AGTPBP1: variants seen among roughly 807,000 people sequenced by gnomAD.
The protein encoded by AGTPBP1 is cytosolic carboxypeptidase 1.
A neutral mutation model predicts 143.9 loss-of-function variants in AGTPBP1; 70 were observed. The ratio of observed to expected loss-of-function variants is 0.49; its 90% CI spans 0.40 to 0.59. AGTPBP1 has a LOEUF of 0.59. Ranked by LOEUF, AGTPBP1 falls within the 20% of genes least tolerant of loss-of-function variation. AGTPBP1 has a pLI of 0.00. For missense variants in AGTPBP1, 1,229 were observed against 1,464.5 expected (o/e 0.84, Z 2.62); for synonymous variants, 463 against 500.2 (o/e 0.93, Z 0.99).
chr9:85,607,823 A>G (rs139738433), intron 17 of AGTPBP1, among the ~76,000 whole-genome samples: 39 of 152,232 alleles, frequency 2.6e-4, no homozygotes, highest in African/African-American at 9.4e-4. Flanking sequence ...GGAGAACAAG[A>G]AAAGTTTAAA....
intron 12 of AGTPBP1, among the ~76,000 whole-genome samples, chr9:85,643,982 A>G (rs1832654548): frequency 6.6e-6 from 1 of 152,114 alleles, no homozygotes; most frequent in South Asian, 2.1e-4. Flanking sequence ...CCTAATTTAC[A>G]AGTATATTTT....
In AGTPBP1 at chr9:85,720,166, C is replaced by G. The variant is rs532074185; in HGVS notation, c.-33-7600G>C. Among the ~76,000 whole-genome samples, 214 of 152,316 alleles carry G rather than the reference C, an allele frequency of 1.4e-3. 1 individual carries two copies. The highest frequency in any genetic ancestry group is 4.8e-3 in the African/African-American group (199 of 41,570). On this transcript the variant is annotated intron_variant, in intron 1 of 25. Transcript: ENST00000357081. ...GCCAGCCTTTAGTATCAGGATGACG[C>G]TGGCCTCATAAAATGAGTTAGGGAG...
the AGTPBP1 span, among the ~76,000 whole-genome samples, chr9:85,763,199 C>A: frequency 6.6e-6 from 1 of 151,950 alleles, no homozygotes; most frequent in Admixed American, 6.6e-5. Context: ...AAAAAACCCT[C>A]ACATCAAGCC....
At chr9:85,694,190 T>C (rs1011819901) in intron 2 of AGTPBP1, among the ~76,000 whole-genome samples, 1 of 152,202 alleles carries the variant, frequency 6.6e-6, no homozygotes, top group African/African-American at 2.4e-5. Context: ...ACGGGCTCTA[T>C]TTGGCTGGTA....
In AGTPBP1 at chr9:85,572,004, G is replaced by GTTTTTTT. The variant is rs55882437; in HGVS notation, c.3503+3304_3503+3310dup. 2.9e-3 allele frequency among the ~76,000 whole-genome samples: 127 copies of GTTTTTTT among 43,450 alleles called. 15 individuals are homozygous for GTTTTTTT. The highest frequency in any genetic ancestry group is 4.5e-3 in the East Asian group (4 of 888). 28.5% of individuals were successfully genotyped at this position (43,450 alleles called of 152,430 possible). ...TGGCCATTATTAGTTGTTTGTGTGT[G>GTTTTTTT]TTTTTTTTTTTTTTTTTTTTTTTTT... On this transcript the variant is annotated intron_variant, in intron 25 of 25. Transcript: ENST00000357081.
At chr9:85,654,564 C>T (rs1005350799) in intron 11 of AGTPBP1, among the ~76,000 whole-genome samples, 48 of 152,070 alleles carry the variant, frequency 3.2e-4, no homozygotes, top group African/African-American at 8.2e-4. Context: ...TAAGTTGGGC[C>T]GGGTGTGGTG....
At chr9:85,571,165 G>T (rs1757200374) in intron 25 of AGTPBP1, among the ~76,000 whole-genome samples, 1 of 152,096 alleles carries the variant, frequency 6.6e-6, no homozygotes, top group South Asian at 2.1e-4. Flanking sequence ...TCTACCAAGA[G>T]AACTTGGGAG....
intron 23 of AGTPBP1, among the ~76,000 whole-genome samples, chr9:85,579,716 TAGAA>T (rs1419574016): frequency 6.6e-6 from 1 of 150,988 alleles, no homozygotes; most frequent in East Asian, 1.9e-4. Context: ...GATGCATCTC[TAGAA>T]AGAAAGAGTT....
At chr9:85,773,003 C>T in the AGTPBP1 span, among the ~76,000 whole-genome samples, 10 of 152,024 alleles carry the variant, frequency 6.6e-5, no homozygotes, top group African/African-American at 1.4e-4. Context: ...CAGTGGCTCA[C>T]GCCTGTAATC....
At chr9:85,741,155 T>C in intron 1 of AGTPBP1, 2 of 925,372 alleles carry the variant, frequency 2.2e-6, no homozygotes, top group Non-Finnish European at 2.6e-6. Flanking sequence ...GGTGATCTGA[T>C]TCAGGTTCAA....
chr9:85,691,956 C>T (rs1297812681), intron 3 of AGTPBP1, among the ~76,000 whole-genome samples: 3 of 152,152 alleles, frequency 2.0e-5, no homozygotes, highest in Middle Eastern at 3.4e-3. Flanking sequence ...GTGTGATATT[C>T]GTTACCTCTA....
chr9:85,772,258 G>A, the AGTPBP1 span, among the ~76,000 whole-genome samples: 3 of 152,192 alleles, frequency 2.0e-5, no homozygotes, highest in African/African-American at 7.2e-5. Flanking sequence ...ACAGGTGTGA[G>A]CCACCGTGCC....
the AGTPBP1 span, among the ~76,000 whole-genome samples, chr9:85,785,452 C>T: frequency 6.6e-6 from 1 of 152,226 alleles, no homozygotes; most frequent in Non-Finnish European, 1.5e-5. Flanking sequence ...ATGCATTTCT[C>T]TTAAGCAAGT....
chr9:85,758,299 A>T, the AGTPBP1 span, among the ~76,000 whole-genome samples: 1 of 152,238 alleles, frequency 6.6e-6, no homozygotes, highest in Non-Finnish European at 1.5e-5. Flanking sequence ...ATGACTATCT[A>T]TAAAGAACTA....
intron 1 of AGTPBP1, among the ~76,000 whole-genome samples, chr9:85,722,867 G>T (rs940009622): frequency 6.6e-6 from 1 of 152,158 alleles, no homozygotes; most frequent in South Asian, 2.1e-4. Context: ...TGAGGTGGAT[G>T]TGCTTTTTTT....
chr9:85,646,029 G>C (rs934574344), intron 12 of AGTPBP1, among the ~76,000 whole-genome samples: 2 of 152,112 alleles, frequency 1.3e-5, no homozygotes, highest in African/African-American at 4.8e-5. Context: ...GTTGCCACAA[G>C]AGAGTTTCAG....
chr9:85,557,411 A>G (rs1319679669), intron 25 of AGTPBP1, among the ~76,000 whole-genome samples: 1 of 152,182 alleles, frequency 6.6e-6, no homozygotes, highest in East Asian at 1.9e-4. Flanking sequence ...TTTTAGTTAT[A>G]AGCAACTACG....
intron 2 of AGTPBP1, among the ~76,000 whole-genome samples, chr9:85,705,753 T>C (rs112281409): frequency 0.012 from 1,802 of 152,128 alleles, 36 homozygotes; most frequent in African/African-American, 0.04. Flanking sequence ...TGCAGTGGCA[T>C]GATCTCGGCT....
intron 17 of AGTPBP1, among the ~76,000 whole-genome samples, chr9:85,614,488 C>T (rs2133468541): frequency 6.6e-6 from 1 of 151,932 alleles, no homozygotes; most frequent in East Asian, 1.9e-4. Context: ...ATCAACAAAA[C>T]AAAACATCAC....
Sources: gnomAD v4.1 joint callset for allele counts (sites outside exome capture counted in the v4.1 genomes callset) on GRCh38, gnomAD v4.1.1 for gene constraint, MANE v1.5 for transcripts, NCBI Gene and HGNC (gene_info 2026-07-23, HGNC 2026-07-21) for gene names.